The following VRTN variants were observed in gnomAD, a reference collection of about 807,000 sequenced individuals.
VRTN encodes the protein vertebrae development associated.
Under a neutral mutation model 18.2 loss-of-function variants are expected in VRTN, and 5 were observed. The observed-to-expected ratio is 0.27, with a 90% CI of 0.14 to 0.58. The LOEUF (loss-of-function observed/expected upper bound fraction) is 0.58. VRTN is among the 20% of genes least tolerant of loss of function. VRTN has a pLI of 0.91. For missense variants in VRTN, 741 were observed against 939.4 expected, an observed-to-expected ratio of 0.79 and a Z score of 2.76; for synonymous variants, 381 against 393.7, an observed-to-expected ratio of 0.97 and a Z score of 0.38.
chr14:74,332,336 T>C (rs71429047), intron 1 of VRTN, among the ~76,000 whole-genome samples: 3 of 16,166 alleles, frequency 1.9e-4, no homozygotes, highest in Non-Finnish European at 3.0e-4. Flanking sequence ...TCCTAATCTG[T>C]TTTTTTTTTT....
At chr14:74,320,487 C>T (rs1216428216) in intron 1 of VRTN, among the ~76,000 whole-genome samples, 1 of 145,528 alleles carries the variant, frequency 6.9e-6, no homozygotes, top group Non-Finnish European at 1.5e-5. Flanking sequence ...TGGTCTCGAT[C>T]TCCTGACCTT....
upstream of VRTN, among the ~76,000 whole-genome samples, chr14:74,347,543 C>G (rs2085651457): frequency 6.6e-6 from 1 of 152,232 alleles, no homozygotes; most frequent in Admixed American, 6.5e-5. Context: ...AGGGGAGAGA[C>G]AGCACGGAGG....
intron 1 of VRTN, among the ~76,000 whole-genome samples, chr14:74,310,435 T>A (rs1428171987): frequency 2.0e-5 from 3 of 148,006 alleles, no homozygotes; most frequent in Non-Finnish European, 4.5e-5. Flanking sequence ...AGCATTGCCA[T>A]AGTGATTCAG....
At chr14:74,348,977 ATCCCTCG>A (rs1183877147) in intron 1 of VRTN, among the ~76,000 whole-genome samples, 1 of 148,142 alleles carries the variant, frequency 6.8e-6, no homozygotes, top group African/African-American at 2.5e-5. Flanking sequence ...CTCAGGTTGG[ATCCCTCG>A]TCCCTGGAGC....
chr14:74,321,175 C>A (rs1481525735), intron 1 of VRTN, among the ~76,000 whole-genome samples: 1 of 151,998 alleles, frequency 6.6e-6, no homozygotes, highest in Non-Finnish European at 1.5e-5. Flanking sequence ...AGAGGAGGAT[C>A]CAGGATCAAG....
At chr14:74,315,713 G>T (rs915953444) in intron 1 of VRTN, among the ~76,000 whole-genome samples, 1 of 151,478 alleles carries the variant, frequency 6.6e-6, no homozygotes, top group African/African-American at 2.4e-5. Flanking sequence ...AACTACAGTG[G>T]GTGTCACAAG....
At chr14:74,338,452 C>G (rs568838664) in intron 2 of VRTN, among the ~76,000 whole-genome samples, 1 of 152,332 alleles carries the variant, frequency 6.6e-6, no homozygotes, top group East Asian at 1.9e-4. Context: ...AGAGAATTTG[C>G]TATGCACTCT....
Position 74,348,640 on chromosome 14 carries a change from G to A in VRTN, c.-14G>A, listed in dbSNP as rs2085660641. The stretch of plus-strand genomic sequence containing the variant: ...AGAAGTGGATGCCCCCAGGGCTCTG[G>A]GTCACACTCCAGGTCAGTAAAACAG... On this transcript the variant is annotated 5_prime_UTR_variant, in exon 1 of 2. The change creates a premature stop within an existing upstream ORF in the 5' untranslated region. Coordinates refer to ENST00000256362, the MANE Select transcript of VRTN (RefSeq NM_018228.3). The A allele has an allele frequency of 6.6e-6, 1 of 152,276 alleles. No homozygotes were observed. The highest frequency in any genetic ancestry group is 6.5e-5 in the Admixed American group (1 of 15,276). The allele number at this position is 152,276 out of a possible 1,614,324, so 9.4% of individuals were successfully genotyped here.
At chr14:74,351,766 C>T (rs2085686355) in intron 1 of VRTN, among the ~76,000 whole-genome samples, 1 of 152,152 alleles carries the variant, frequency 6.6e-6, no homozygotes, top group South Asian at 2.1e-4. Context: ...CAGGCATGAG[C>T]CACTGCACTT....
chr14:74,309,411 C>T (rs888530383), intron 1 of VRTN, among the ~76,000 whole-genome samples: 7 of 152,146 alleles, frequency 4.6e-5, no homozygotes, highest in Middle Eastern at 3.2e-3. Flanking sequence ...GAATTTCCCC[C>T]GGCTCTAATC....
chr14:74,328,199 A>G (rs2085499674), intron 1 of VRTN, among the ~76,000 whole-genome samples: 1 of 152,088 alleles, frequency 6.6e-6, no homozygotes, highest in South Asian at 2.1e-4. Flanking sequence ...CAGGGTGAGG[A>G]CGGAAGACCC....
intron 1 of VRTN, among the ~76,000 whole-genome samples, chr14:74,311,503 C>T (rs936623084): frequency 3.3e-5 from 5 of 151,768 alleles, no homozygotes; most frequent in African/African-American, 9.7e-5. Flanking sequence ...TCACTGCAAC[C>T]TCTGCCTCCT....
intron 1 of VRTN, among the ~76,000 whole-genome samples, chr14:74,305,018 T>C (rs2085335128): frequency 6.6e-6 from 1 of 152,064 alleles, no homozygotes; most frequent in African/African-American, 2.4e-5. Flanking sequence ...GCCTCAGCAT[T>C]GTCTATTACT....
At chr14:74,322,384 G>A (rs563043757) in intron 1 of VRTN, among the ~76,000 whole-genome samples, 16 of 151,856 alleles carry the variant, frequency 1.1e-4, no homozygotes, top group East Asian at 3.9e-4. Flanking sequence ...TCCTGGGCTC[G>A]AGTGATTGTC....
rs747522789 is a variant in VRTN, at chr14:74,357,230, C to T, written c.447C>T (p.Pro149=). 55 of 1,613,132 alleles carry T rather than the reference C, an allele frequency of 3.4e-5. No homozygotes were observed. The highest frequency in any genetic ancestry group is 4.6e-5 in the Non-Finnish European group (54 of 1,179,856). Residue 149 remains proline (P), a synonymous_variant, in exon 2 of 2, where the codon CCC becomes CCT. Coordinates refer to ENST00000256362, the MANE Select transcript of VRTN (RefSeq NM_018228.3). This position sits in a 1 kb window ranked among gnomAD's most constrained non-coding sequence, Gnocchi z 7.8. ...SEESPEMTSL[P]PATLEAIFDA... ...AGTCCCCTGAGATGACCAGCTTGCC[C>T]CCCGCCACGCTGGAGGCCATCTTCG...
rs771303320 is a variant in VRTN at position 74,357,898 on chromosome 14, A to G, written c.1115A>G (p.Glu372Gly). 5.0e-6 allele frequency: 8 copies of G among 1,614,100 alleles called. No individual in the cohort carries two copies. Among genetic ancestry groups the G allele is most frequent in the Non-Finnish European group, 6.8e-6 (8 of 1,180,028 alleles). Reference sequence around the variant, plus strand: ...CCCCCCAGGGAGGTGCTGGGCATGGAGGAGCTAGAGAAGCTGCCGGAGGAG... The same window carrying G: ...CCCCCCAGGGAGGTGCTGGGCATGGGGGAGCTAGAGAAGCTGCCGGAGGAG... ...ALPPREVLGMEELEKLPEEQV... is the reference protein window; with the variant it reads ...ALPPREVLGMGELEKLPEEQV... Residue 372 changes from glutamate to glycine, a missense_variant, in exon 2 of 2, where the codon GAG (glutamate) becomes GGG (glycine). Transcript: ENST00000256362. This position sits in a 1 kb window ranked among gnomAD's most constrained non-coding sequence, Gnocchi z 7.8.
At chr14:74,326,391 G>A (rs1192088114) in intron 1 of VRTN, among the ~76,000 whole-genome samples, 1 of 152,132 alleles carries the variant, frequency 6.6e-6, no homozygotes, top group Non-Finnish European at 1.5e-5. Context: ...CGCCAATTGG[G>A]GGCTAGAGGA....
At chr14:74,353,811 C>CT (rs1156260747) in intron 1 of VRTN, among the ~76,000 whole-genome samples, 1 of 152,076 alleles carries the variant, frequency 6.6e-6, no homozygotes, top group Non-Finnish European at 1.5e-5. Context: ...TAAGCTCCGC[C>CT]TCCCGGGTTC....
At chr14:74,339,659 A>C (rs1019998131) in intron 2 of VRTN, among the ~76,000 whole-genome samples, 2 of 152,036 alleles carry the variant, frequency 1.3e-5, no homozygotes, top group Non-Finnish European at 2.9e-5. Context: ...ACTAATAAGA[A>C]AAAATTTCAT....
Sources: allele counts gnomAD v4.1 joint callset (sites outside exome capture counted in the v4.1 genomes callset), GRCh38; gene constraint gnomAD v4.1.1; non-coding constraint Gnocchi (gnomAD v3.1); transcripts MANE v1.5; gene names NCBI Gene and HGNC (gene_info 2026-07-23, HGNC 2026-07-21).